LRP1B: variants seen among roughly 807,000 people sequenced by gnomAD.
The protein encoded by LRP1B is LDL receptor related protein 1B, also known as low-density lipoprotein receptor-related protein 1B.
In LRP1B, 217 loss-of-function variants were observed where a neutral mutation model predicts 556.6. The ratio of observed to expected loss-of-function variants is 0.39; its 90% CI spans 0.35 to 0.44. The LOEUF is 0.44. Among genes scored for constraint, LRP1B ranks in the 20% least tolerant of loss-of-function variants. The pLI, the probability that LRP1B is intolerant of heterozygous loss-of-function variation, is 1.00. For missense variants in LRP1B, 5,053 were observed against 5,620.8 expected (o/e 0.90, Z 3.23); for synonymous variants, 2,047 against 1,865.8 (o/e 1.10, Z -2.50).
At chr2:140,871,093 T>A (rs1252268083) in intron 25 of LRP1B, among the ~76,000 whole-genome samples, 1 of 152,176 alleles carries the variant, frequency 6.6e-6, no homozygotes, top group Non-Finnish European at 1.5e-5. Context: ...GTAAGTGTTA[T>A]TAGATAACTG....
intron 2 of LRP1B, among the ~76,000 whole-genome samples, chr2:141,716,481 A>G (rs1001137887): frequency 6.6e-6 from 1 of 152,214 alleles, no homozygotes; most frequent in Admixed American, 6.5e-5. Context: ...ACTCTAGCAT[A>G]AATATGATAC....
intron 24 of LRP1B, among the ~76,000 whole-genome samples, chr2:140,885,476 G>A (rs368033830): frequency 5.3e-5 from 8 of 151,270 alleles, no homozygotes; most frequent in East Asian, 2.0e-4. Context: ...TCAGCCTCCC[G>A]AGCAGCTGGG....
chr2:142,028,800 T>A (rs527931515), intron 1 of LRP1B, among the ~76,000 whole-genome samples: 3 of 152,076 alleles, frequency 2.0e-5, no homozygotes, highest in Admixed American at 6.6e-5. Flanking sequence ...TGAGTTATAA[T>A]TTCTTCATGC....
At chr2:140,802,958 T>A (rs952939072) in intron 32 of LRP1B, among the ~76,000 whole-genome samples, 5 of 152,170 alleles carry the variant, frequency 3.3e-5, no homozygotes, top group Non-Finnish European at 1.5e-5. Flanking sequence ...TCCCTGACTC[T>A]TACATTCACG....
At chr2:140,261,040 T>G (rs569183325) in intron 86 of LRP1B, among the ~76,000 whole-genome samples, 6 of 121,980 alleles carry the variant, frequency 4.9e-5, no homozygotes, top group East Asian at 2.1e-4. Context: ...GTTGGTGAGA[T>G]ATATATATAT....
intron 20 of LRP1B, among the ~76,000 whole-genome samples, chr2:140,925,779 C>A (rs966929607): frequency 1.3e-5 from 2 of 152,060 alleles, no homozygotes; most frequent in African/African-American, 4.8e-5. Flanking sequence ...AATTAGGGAG[C>A]GTCTTGGGCT....
intron 83 of LRP1B, among the ~76,000 whole-genome samples, chr2:140,300,561 T>C (rs1045229441): frequency 3.9e-5 from 6 of 152,118 alleles, no homozygotes; most frequent in African/African-American, 9.7e-5. Context: ...AGAACATCAG[T>C]TGACATTAGG....
intron 1 of LRP1B, among the ~76,000 whole-genome samples, chr2:141,867,123 ATG>A (rs1403560560): frequency 1.3e-5 from 2 of 152,194 alleles, no homozygotes; most frequent in African/African-American, 2.4e-5. Context: ...ATAATAAAGA[ATG>A]TTTCAGAATT....
intron 59 of LRP1B, among the ~76,000 whole-genome samples, chr2:140,478,565 A>G (rs1688077078): frequency 6.6e-6 from 1 of 152,162 alleles, no homozygotes; most frequent in Non-Finnish European, 1.5e-5. Flanking sequence ...TGATGGGGAA[A>G]CTTGGAACAA....
chr2:141,759,324 T>C (rs965388284), intron 2 of LRP1B, among the ~76,000 whole-genome samples: 2 of 152,172 alleles, frequency 1.3e-5, no homozygotes, highest in East Asian at 1.9e-4. Context: ...ATTTATTATA[T>C]TGCATAATGA....
chr2:141,112,921 T>C (rs533152360), intron 7 of LRP1B, among the ~76,000 whole-genome samples: 1 of 152,274 alleles, frequency 6.6e-6, no homozygotes, highest in African/African-American at 2.4e-5. Context: ...AGTTCATCAG[T>C]GTTAAGGAGA....
chr2:141,287,390 T>C (rs2105401297), intron 3 of LRP1B, among the ~76,000 whole-genome samples: 1 of 151,376 alleles, frequency 6.6e-6, no homozygotes. Context: ...TGGCACAATC[T>C]CGGCTCACTG....
At chr2:141,107,336 A>G (rs550740596) in intron 7 of LRP1B, among the ~76,000 whole-genome samples, 1 of 152,194 alleles carries the variant, frequency 6.6e-6, no homozygotes, top group East Asian at 1.9e-4. Flanking sequence ...TTGAAAGATA[A>G]ATTAAAAAAA....
chr2:141,183,303 G>C (rs1211157561), intron 7 of LRP1B, among the ~76,000 whole-genome samples: 2 of 152,008 alleles, frequency 1.3e-5, no homozygotes, highest in Admixed American at 6.6e-5. Flanking sequence ...TACGTGTGTA[G>C]GCAAACCCGC....
chr2:141,043,060 G>A (rs1036406866), intron 11 of LRP1B, among the ~76,000 whole-genome samples: 1 of 132,316 alleles, frequency 7.6e-6, no homozygotes, highest in African/African-American at 2.6e-5. Flanking sequence ...AAAATTAGCT[G>A]AGCATGGTGG....
chr2:140,394,681 C>T (rs183238751), intron 66 of LRP1B, among the ~76,000 whole-genome samples: 1 of 152,168 alleles, frequency 6.6e-6, no homozygotes, highest in African/African-American at 2.4e-5. Flanking sequence ...AACTTCTAGA[C>T]AGCAATATGT....
intron 23 of LRP1B, among the ~76,000 whole-genome samples, chr2:140,887,929 G>T (rs888491501): frequency 6.6e-6 from 1 of 152,106 alleles, no homozygotes; most frequent in African/African-American, 2.4e-5. Flanking sequence ...TGGGCATGGG[G>T]TTTGTTTTGG....
intron 27 of LRP1B, among the ~76,000 whole-genome samples, chr2:140,857,130 C>CCAAA (rs1284597961): frequency 6.6e-6 from 1 of 152,088 alleles, no homozygotes; most frequent in Non-Finnish European, 1.5e-5. Flanking sequence ...CACTTTAAAT[C>CCAAA]CAAACAACCA....
chr2:141,870,325 G>A (rs1315213087), intron 1 of LRP1B, among the ~76,000 whole-genome samples: 1 of 151,834 alleles, frequency 6.6e-6, no homozygotes, highest in Non-Finnish European at 1.5e-5. Flanking sequence ...CTAGCTACCA[G>A]CCTCAATTCT....
Sources: gnomAD v4.1 joint callset for allele counts (sites outside exome capture counted in the v4.1 genomes callset) on GRCh38, gnomAD v4.1.1 for gene constraint, MANE v1.5 for transcripts, NCBI Gene and HGNC (gene_info 2026-07-23, HGNC 2026-07-21) for gene names.